Variants in SPEN observed in about 807,000 individuals in gnomAD.
SPEN encodes the protein spen family transcriptional repressor.
In SPEN, 18 loss-of-function variants were observed where a neutral mutation model predicts 269.9. The ratio of observed to expected loss-of-function variants is 0.07; its 90% CI spans 0.05 to 0.10. The LOEUF is 0.10. Among genes scored for constraint, SPEN ranks in the 10% least tolerant of loss-of-function variants. The probability of loss-of-function intolerance (pLI) is 1.00; values close to 1 mark genes in which losing one functional copy is unlikely to be tolerated. For synonymous variants in SPEN, 1,726 were observed against 1,765.7 expected, an observed-to-expected ratio of 0.98 and a Z score of 0.56; for missense variants, 3,822 against 4,631.2, an observed-to-expected ratio of 0.83 and a Z score of 5.07.
chr1:15,886,358 A>G (rs1218715583), intron 3 of SPEN, among the ~76,000 whole-genome samples: 2 of 152,104 alleles, frequency 1.3e-5, no homozygotes, highest in Non-Finnish European at 2.9e-5. Flanking sequence ...GAAAATAGGA[A>G]CTGTTGTTTG....
intron 3 of SPEN, among the ~76,000 whole-genome samples, chr1:15,902,963 A>T (rs1260394377): frequency 2.0e-5 from 3 of 149,584 alleles, no homozygotes; most frequent in African/African-American, 4.9e-5. Flanking sequence ...TTCCAGCTTT[A>T]AAAAAAAAAC....
At chr1:15,875,170 G>C (rs983928523) in intron 2 of SPEN, among the ~76,000 whole-genome samples, 1 of 152,090 alleles carries the variant, frequency 6.6e-6, no homozygotes, top group East Asian at 1.9e-4. Context: ...TTCTTTATAG[G>C]ATTATAACTA....
intron 10 of SPEN, among the ~76,000 whole-genome samples, chr1:15,924,757 G>A (rs1243304388): frequency 6.6e-6 from 1 of 152,198 alleles, no homozygotes; most frequent in Non-Finnish European, 1.5e-5. Flanking sequence ...ACCACGCTTG[G>A]CCAAAAGTCA....
intron 3 of SPEN, among the ~76,000 whole-genome samples, chr1:15,882,896 C>G (rs1244931663): frequency 6.6e-6 from 1 of 152,128 alleles, no homozygotes; most frequent in Non-Finnish European, 1.5e-5. Flanking sequence ...CACAGCCCCC[C>G]TGGGGCTCTT....
chr1:15,939,255 G>A lies in SPEN; in HGVS notation c.10864-41G>A, dbSNP rs768068378. 6 of 1,516,706 alleles carry A rather than the reference G, an allele frequency of 4.0e-6. No individual in the cohort carries two copies. Among genetic ancestry groups the A allele is most frequent in the East Asian group, 2.5e-5 (1 of 40,798 alleles). The allele number at this position is 1,516,706 out of a possible 1,614,324, so 94.0% of individuals were successfully genotyped here. A position where few individuals can be genotyped will look rare whatever the true frequency, so the allele number is the denominator to read the frequency against. On this transcript the variant is annotated intron_variant, in intron 14 of 14. Transcript: ENST00000375759. The surrounding 1 kb of genome is among the most constrained non-coding windows in gnomAD (Gnocchi z 4.1). Reference sequence around the variant, plus strand: ...CCAATGGAAGTGGAGTTGTGGGGGTGAAGACAGACGGTCCCACTTTGCTCT... The same window carrying A: ...CCAATGGAAGTGGAGTTGTGGGGGTAAAGACAGACGGTCCCACTTTGCTCT...
rs753637807 is a variant in SPEN, at chr1:15,937,174, T to G, written c.10038T>G (p.Pro3346=). The change falls in exon 12 of 15, where the codon CCT becomes CCG. Residue 3346 remains proline, a synonymous_variant. Coordinates refer to ENST00000375759, the MANE Select transcript of SPEN (RefSeq NM_015001.3). The surrounding 1 kb of genome is among the most constrained non-coding windows in gnomAD (Gnocchi z 5.7). ...CTTCCCTACACCAGGGCCCTCCTCC[T>G]GAAGGTGAGCCCCTGCAGCCTCCTC... ...RTKTAAQGPP[P]EGEPLQPPQP... The G allele has an allele frequency of 1.2e-6, 2 of 1,611,476 alleles. No homozygotes were observed. Among genetic ancestry groups the G allele is most frequent in the African/African-American group, 2.7e-5 (2 of 74,758 alleles).
At chr1:15,919,131 T>C (rs2071091994) in intron 7 of SPEN, 80 bp downstream of exon 7, 1 of 1,240,576 alleles carries the variant, frequency 8.1e-7, no homozygotes, top group Non-Finnish European at 1.1e-6. Context: ...TTTTTGCATA[T>C]GCCTTATTAT....
chr1:15,850,464 G>A lies in SPEN; in HGVS notation c.83+2314G>A, dbSNP rs138981495. On this transcript the variant is annotated intron_variant, in intron 1 of 14. Transcript: ENST00000375759. ...TTAAATAGACAGTACATTTTTATGG[G>A]TTCAAAGCATGTGAAAGGTATACAG... Among the ~76,000 whole-genome samples the A allele has an allele frequency of 1.7e-4, 26 of 151,792 alleles. No individual in the cohort carries two copies. The East Asian group carries it at 3.5e-3, about 20-fold the overall frequency.
At chr1:15,907,199 C>T (rs1426017576) in intron 3 of SPEN, among the ~76,000 whole-genome samples, 6 of 152,016 alleles carry the variant, frequency 3.9e-5, no homozygotes, top group African/African-American at 7.2e-5. Flanking sequence ...AATGCTGTAG[C>T]GGCTGGATGT....
intron 3 of SPEN, among the ~76,000 whole-genome samples, chr1:15,898,244 TGTTCA>T (rs556509821): frequency 1.7e-3 from 258 of 152,080 alleles, no homozygotes; most frequent in African/African-American, 6.0e-3. Flanking sequence ...GACTTTTAAG[TGTTCA>T]GTTCAGTGGC....
rs2071249718 is a variant in SPEN at position 15,934,074 on chromosome 1, C to T, written c.7834C>T (p.Pro2612Ser). The change falls in exon 11 of 15, where the codon CCA becomes TCA. Residue 2612 changes from proline (P) to serine (S), a missense_variant. By Grantham distance (74) the Pro-to-Ser change is moderately conservative (BLOSUM62 -1). This residue lies in a region of SPEN where 329 missense variants were observed against 431.2 expected (regional missense o/e 0.76). Coordinates refer to ENST00000375759, the MANE Select transcript of SPEN (RefSeq NM_015001.3). The surrounding 1 kb of genome is among the most constrained non-coding windows in gnomAD (Gnocchi z 9.2). The part of the protein sequence containing the change: ...LVAADKEKVA[P>S]VIAPKITSVI... ...AGCTGCTGACAAGGAAAAGGTGGCT[C>T]CAGTCATTGCTCCCAAAATTACCTC... The T allele has an allele frequency of 6.2e-7, 1 of 1,610,498 alleles. No individual in the cohort carries two copies. The highest frequency in any genetic ancestry group is 8.5e-7 in the Non-Finnish European group (1 of 1,177,164).
chr1:15,928,411 G>A lies in SPEN; in HGVS notation c.2171G>A (p.Arg724Gln). Residue 724 changes from arginine to glutamine, a missense_variant, in exon 11 of 15, where the codon CGA becomes CAA. By Grantham distance (43) the Arg-to-Gln change is conservative. Around this residue, in one of 16 missense-constraint regions of SPEN, gnomAD observed 572 missense variants for 582.6 expected, o/e 0.98. Transcript: ENST00000375759. The surrounding 1 kb of genome is among the most constrained non-coding windows in gnomAD (Gnocchi z 5.7). ...DRDHERRPIE[R>Q]SQSPVHLRRP... ...GACCATGAGAGGAGGCCGATTGAAC[G>A]AAGTCAAAGTCCTGTTCACTTGCGA... 4 of 1,614,116 alleles carry A rather than the reference G, an allele frequency of 2.5e-6. No homozygotes were observed. The highest frequency in any genetic ancestry group is 2.2e-5 in the East Asian group (1 of 44,866).
chr1:15,923,673 C>CTT (rs112720025), intron 10 of SPEN, among the ~76,000 whole-genome samples: 18 of 140,238 alleles, frequency 1.3e-4, no homozygotes, highest in African/African-American at 3.6e-4. Context: ...ATACTTTGTG[C>CTT]TTTTTTTTTT....
intron 1 of SPEN, among the ~76,000 whole-genome samples, chr1:15,858,099 G>T (rs1569967441): frequency 6.6e-6 from 1 of 152,070 alleles, no homozygotes; most frequent in African/African-American, 2.4e-5. Flanking sequence ...CTGTACTCCA[G>T]CCTGGTGACA....
At chr1:15,903,469 C>A (rs553789712) in intron 3 of SPEN, among the ~76,000 whole-genome samples, 2 of 152,160 alleles carry the variant, frequency 1.3e-5, no homozygotes, top group Non-Finnish European at 2.9e-5. Flanking sequence ...CCTCACTACG[C>A]CTCAACCTCC....
At position 15,935,869 on chromosome 1, in the gene SPEN, C is replaced by T. The variant is rs747963594; in HGVS notation, c.9629C>T (p.Pro3210Leu). The T allele has an allele frequency of 1.8e-4, 294 of 1,613,480 alleles. 1 individual carries two copies. Among genetic ancestry groups the T allele is most frequent in the Non-Finnish European group, 2.4e-4 (287 of 1,179,986 alleles). The change falls in exon 11 of 15, where the codon CCC becomes CTC. Residue 3210 changes from proline to leucine, a missense_variant. Pro to Leu is a moderately conservative substitution (Grantham distance 98). Coordinates refer to ENST00000375759, the MANE Select transcript of SPEN (RefSeq NM_015001.3). The surrounding 1 kb of genome is among the most constrained non-coding windows in gnomAD (Gnocchi z 7.7). ...HPHVTAVSEQ[P>L]RAADGVVKVP... The stretch of plus-strand genomic sequence containing the variant: ...CATGTGACGGCAGTCAGCGAGCAGC[C>T]CAGGGCCGCGGATGGGGTGGTGAAG...
chr1:15,885,321 G>A (rs1457793739), intron 3 of SPEN, among the ~76,000 whole-genome samples: 2 of 151,974 alleles, frequency 1.3e-5, no homozygotes, highest in Non-Finnish European at 2.9e-5. Flanking sequence ...TTTTTAGATC[G>A]TCTAGAGGTT....
Position 15,929,157 on chromosome 1 carries a change from G to T in SPEN, c.2917G>T (p.Val973Leu). The change falls in exon 11 of 15, where the codon GTA (valine) becomes TTA (leucine). Residue 973 changes from valine to leucine, a missense_variant. Around this residue, in one of 16 missense-constraint regions of SPEN, gnomAD observed 572 missense variants for 582.6 expected, o/e 0.98. Coordinates refer to ENST00000375759, the MANE Select transcript of SPEN (RefSeq NM_015001.3). This position sits in a 1 kb window ranked among gnomAD's most constrained non-coding sequence, Gnocchi z 5.8. Reference sequence around the variant, plus strand: ...CAAGCCTGAGCAGCCTGCAGATGGGGTAAGTGCTGTGGATCTGGAGAAGCT... The same window carrying T: ...CAAGCCTGAGCAGCCTGCAGATGGGTTAAGTGCTGTGGATCTGGAGAAGCT... The part of the protein sequence containing the change: ...HLKPEQPADG[V>L]SAVDLEKLEA... 2 of 1,614,208 alleles carry T rather than the reference G, an allele frequency of 1.2e-6. No individual in the cohort carries two copies. Among genetic ancestry groups the T allele is most frequent in the Non-Finnish European group, 1.7e-6 (2 of 1,180,026 alleles).
At chr1:15,913,226 G>C (rs1413842728) in intron 5 of SPEN, among the ~76,000 whole-genome samples, 1 of 152,108 alleles carries the variant, frequency 6.6e-6, no homozygotes, top group African/African-American at 2.4e-5. Context: ...ACCTAACTTT[G>C]CATATAGACC....
Sources: allele counts gnomAD v4.1 joint callset (sites outside exome capture counted in the v4.1 genomes callset), GRCh38; gene constraint gnomAD v4.1.1; regional missense constraint gnomAD v4.1.1; non-coding constraint Gnocchi (gnomAD v3.1); transcripts MANE v1.5; gene names NCBI Gene and HGNC (gene_info 2026-07-23, HGNC 2026-07-21).